TEX36: variants seen among roughly 807,000 people sequenced by gnomAD.
TEX36 encodes the protein testis expressed 36, also known as testis-expressed protein 36.
Under a neutral mutation model 13.6 loss-of-function variants are expected in TEX36, and 12 were observed. The observed-to-expected ratio is 0.88, with a 90% CI of 0.56 to 1.43. The LOEUF is 1.43. Ranked by LOEUF, TEX36 falls within the 40% of genes most tolerant of loss-of-function variation. The pLI, the probability that TEX36 is intolerant of heterozygous loss-of-function variation, is 0.00. For missense variants in TEX36, 224 were observed against 228.3 expected, an observed-to-expected ratio of 0.98 and a Z score of 0.12; for synonymous variants, 93 against 83.0, an observed-to-expected ratio of 1.12 and a Z score of -0.65.
intron 3 of TEX36, among the ~76,000 whole-genome samples, chr10:125,587,257 G>A: frequency 6.6e-6 from 1 of 152,208 alleles, no homozygotes; most frequent in African/African-American, 2.4e-5. Context: ...CAGAGGCTCA[G>A]GCAGGTGAGT....
intron 3 of TEX36, among the ~76,000 whole-genome samples, chr10:125,629,261 CAT>C (rs1238726893): frequency 6.6e-5 from 10 of 152,334 alleles, no homozygotes; most frequent in Non-Finnish European, 1.3e-4. Flanking sequence ...ATCTGAAGTT[CAT>C]ATGAGATATT....
At chr10:125,615,411 C>A (rs1242385458) in intron 3 of TEX36, among the ~76,000 whole-genome samples, 1 of 151,936 alleles carries the variant, frequency 6.6e-6, no homozygotes, top group Non-Finnish European at 1.5e-5. Flanking sequence ...ATGATATTGG[C>A]TGTGGGTTTG....
chr10:125,650,859 C>A (rs1426076097), downstream of TEX36, among the ~76,000 whole-genome samples: 1 of 152,142 alleles, frequency 6.6e-6, no homozygotes, highest in Admixed American at 6.5e-5. Flanking sequence ...TCAGAGAATA[C>A]TATAAACATA....
At chr10:125,614,222 T>G (rs1846327868) in intron 3 of TEX36, among the ~76,000 whole-genome samples, 1 of 152,154 alleles carries the variant, frequency 6.6e-6, no homozygotes, top group Non-Finnish European at 1.5e-5. Context: ...TTTCTCCCAT[T>G]TTGTAGGTTG....
chr10:125,576,733 C>A, exon 4 of TEX36: 1 of 1,534,618 alleles, frequency 6.5e-7, no homozygotes, highest in Non-Finnish European at 8.7e-7. Context: ...GTGACAGAAA[C>A]TTGCTCCCAA....
chr10:125,645,894 C>G (rs568807842), intron 3 of TEX36, among the ~76,000 whole-genome samples: 1 of 152,092 alleles, frequency 6.6e-6, no homozygotes. Context: ...GCCTCAAGAA[C>G]ATTTTAAAAT....
At chr10:125,617,605 A>T (rs981738824), downstream of TEX36, among the ~76,000 whole-genome samples, 3 of 152,192 alleles carry the variant, frequency 2.0e-5, no homozygotes, top group African/African-American at 7.2e-5. Context: ...AAGAATGTTG[A>T]ATATTGGCCC....
intron 3 of TEX36, among the ~76,000 whole-genome samples, chr10:125,582,816 C>T (rs910416158): frequency 1.7e-4 from 26 of 152,132 alleles, no homozygotes; most frequent in African/African-American, 6.3e-4. Flanking sequence ...ACCAGGAAAG[C>T]ATTTTAATAA....
chr10:125,630,001 G>T (rs1351824488), intron 3 of TEX36, among the ~76,000 whole-genome samples: 1 of 152,118 alleles, frequency 6.6e-6, no homozygotes, highest in African/African-American at 2.4e-5. Context: ...GCATTTTTAA[G>T]ACCAGAAGAC....
chr10:125,636,071 C>T (rs958009316), intron 3 of TEX36, among the ~76,000 whole-genome samples: 1 of 151,812 alleles, frequency 6.6e-6, no homozygotes, highest in Admixed American at 6.6e-5. Flanking sequence ...GATGAGATCT[C>T]GCCATGTTGC....
At chr10:125,644,426 A>T (rs1158074951) in intron 3 of TEX36, among the ~76,000 whole-genome samples, 3 of 152,096 alleles carry the variant, frequency 2.0e-5, no homozygotes, top group African/African-American at 7.2e-5. Context: ...AAGAAAACTG[A>T]AAATAAAAAA....
intron 1 of TEX36, among the ~76,000 whole-genome samples, chr10:125,682,388 T>C (rs146010357): frequency 4.6e-5 from 7 of 152,298 alleles, no homozygotes; most frequent in Admixed American, 4.6e-4. Flanking sequence ...AAATGATGCA[T>C]TCCTGGACTC....
At chr10:125,590,408 G>A (rs781172345) in intron 3 of TEX36, among the ~76,000 whole-genome samples, 12 of 152,120 alleles carry the variant, frequency 7.9e-5, no homozygotes, top group Non-Finnish European at 1.3e-4. Context: ...GAACCACCAC[G>A]CCTGGCCCTC....
chr10:125,677,278 G>T (rs954986419), intron 1 of TEX36, among the ~76,000 whole-genome samples: 1 of 152,118 alleles, frequency 6.6e-6, no homozygotes, highest in Non-Finnish European at 1.5e-5. Flanking sequence ...ATCTATTATT[G>T]TGTTAAATAG....
intron 3 of TEX36, among the ~76,000 whole-genome samples, chr10:125,625,038 A>G (rs181562913): frequency 3.9e-5 from 6 of 152,274 alleles, no homozygotes; most frequent in East Asian, 1.9e-4. Context: ...TGAGATGGCA[A>G]TCTCTCCAGA....
At position 125,677,153 on chromosome 10, in the gene TEX36, A is replaced by G. The variant is rs139498706; in HGVS notation, c.51+5786T>C. ...ATTTGTTCTGTATCTTTGACTTTAG[A>G]TAGTCTGACTATAACATTTCATGGA... On this transcript the variant is annotated intron_variant, in intron 1 of 3. Transcript: ENST00000368821. 6.8e-3 allele frequency among the ~76,000 whole-genome samples: 1,040 copies of G among 152,282 alleles called. 4 individuals are homozygous for G. Among genetic ancestry groups the G allele is most frequent in the African/African-American group, 0.022 (928 of 41,554 alleles).
downstream of TEX36, among the ~76,000 whole-genome samples, chr10:125,620,860 T>C (rs962055295): frequency 2.0e-5 from 3 of 152,342 alleles, no homozygotes; most frequent in African/African-American, 7.2e-5. Flanking sequence ...GGAACCTCAA[T>C]TAAGTAGAAT....
chr10:125,610,145 C>G (rs1016342959), intron 3 of TEX36, among the ~76,000 whole-genome samples: 1 of 152,202 alleles, frequency 6.6e-6, no homozygotes, highest in South Asian at 2.1e-4. Context: ...TGCCCCTTCC[C>G]GGAAAACTCA....
intron 1 of TEX36, among the ~76,000 whole-genome samples, chr10:125,677,694 T>G (rs1171471934): frequency 6.6e-6 from 1 of 152,204 alleles, no homozygotes; most frequent in African/African-American, 2.4e-5. Flanking sequence ...TTTTCTTTTT[T>G]CTTTTGAGAC....
Sources: allele counts gnomAD v4.1 joint callset (sites outside exome capture counted in the v4.1 genomes callset), GRCh38; gene constraint gnomAD v4.1.1; transcripts MANE v1.5; gene names NCBI Gene and HGNC (gene_info 2026-07-23, HGNC 2026-07-21).